Variants in SYN3 observed in about 807,000 individuals in gnomAD.
SYN3 encodes the protein synapsin-3.
Under a neutral mutation model 65.8 loss-of-function variants are expected in SYN3, and 35 were observed. The ratio of observed to expected loss-of-function variants is 0.53; its 90% CI spans 0.41 to 0.70. The LOEUF is 0.70. Among genes scored for constraint, SYN3 ranks in the 30% least tolerant of loss-of-function variants. The probability of loss-of-function intolerance (pLI) is 0.00; values close to 1 mark genes in which losing one functional copy is unlikely to be tolerated. For missense variants in SYN3, 680 were observed against 749.0 expected (o/e 0.91, Z 1.08); for synonymous variants, 270 against 292.9 (o/e 0.92, Z 0.80).
chr22:32,793,166 G>A (rs1040337663), intron 6 of SYN3, among the ~76,000 whole-genome samples: 2 of 152,156 alleles, frequency 1.3e-5, no homozygotes, highest in Non-Finnish European at 2.9e-5. Flanking sequence ...CAAGGTTGAC[G>A]AGTTGCAGAG....
At chr22:32,950,630 T>G (rs241760) in intron 3 of SYN3, among the ~76,000 whole-genome samples, 92,342 of 151,956 alleles carry the variant, frequency 0.61, 28,265 homozygotes, top group East Asian at 0.78. Flanking sequence ...TTGTGAGGCC[T>G]TGTGACTTTT....
At chr22:33,025,628 C>T (rs575810997) in intron 1 of SYN3, among the ~76,000 whole-genome samples, 177 of 91,538 alleles carry the variant, frequency 1.9e-3, no homozygotes, top group African/African-American at 8.4e-3. Flanking sequence ...AGCAACACTC[C>T]GTCTGGAAAA....
chr22:32,990,437 C>G (rs1412370302), intron 2 of SYN3, among the ~76,000 whole-genome samples: 50 of 151,862 alleles, frequency 3.3e-4, no homozygotes, highest in African/African-American at 1.2e-3. Context: ...TCCATCCATC[C>G]ATCCATCCAT....
At chr22:32,829,758 G>T (rs2047520969) in intron 6 of SYN3, among the ~76,000 whole-genome samples, 1 of 152,226 alleles carries the variant, frequency 6.6e-6, no homozygotes, top group Admixed American at 6.5e-5. Context: ...CATCAGTGCT[G>T]GCTTCCCACA....
In SYN3 at chr22:32,508,844, A is replaced by G. The variant is rs1400885885; in HGVS notation, c.*4848T>C. Among the ~76,000 whole-genome samples the G allele has an allele frequency of 6.6e-6, 1 of 152,224 alleles. No individual in the cohort carries two copies. The highest frequency in any genetic ancestry group is 6.5e-5 in the Admixed American group (1 of 15,284). On this transcript the variant is annotated 3_prime_UTR_variant, in exon 14 of 14. Coordinates refer to ENST00000358763, the MANE Select transcript of SYN3 (RefSeq NM_003490.4). The stretch of plus-strand genomic sequence containing the variant: ...TGAGCTTCACTCTCTTGACCCATGC[A>G]CAAGATACCTGCACTAGCTTGCCAG...
chr22:32,799,672 G>C lies in SYN3; in HGVS notation c.711+65243C>G, dbSNP rs889047713. Among the ~76,000 whole-genome samples, 5 of 152,152 alleles carry C rather than the reference G, an allele frequency of 3.3e-5. No individual in the cohort carries two copies. In the East Asian group the frequency reaches 9.7e-4, roughly 29 times the overall value. ...CTGTGGAATAAGTCATGTGGGGCGC[G>C]GGGATAAGCGAATCTCTCAAATTCC... is the stretch of plus-strand genomic sequence containing the variant. On this transcript the variant is annotated intron_variant, in intron 6 of 13. Transcript: ENST00000358763.
At chr22:32,729,177 A>G (rs1411000075) in intron 6 of SYN3, among the ~76,000 whole-genome samples, 1 of 152,238 alleles carries the variant, frequency 6.6e-6, no homozygotes, top group Non-Finnish European at 1.5e-5. Flanking sequence ...TCAGCTATAC[A>G]AGAACAGGGA....
At chr22:32,783,692 C>A (rs1263388155) in intron 6 of SYN3, among the ~76,000 whole-genome samples, 1 of 152,188 alleles carries the variant, frequency 6.6e-6, no homozygotes, top group Non-Finnish European at 1.5e-5. Flanking sequence ...GTTTGAAATT[C>A]ACCAGAACTC....
At chr22:32,859,714 G>A (rs1435014564) in intron 6 of SYN3, 1 of 307,140 alleles carries the variant, frequency 3.3e-6, no homozygotes, top group Non-Finnish European at 6.1e-6. Flanking sequence ...TACTCCATTT[G>A]AGGATTGTAA....
rs566875314 is a variant in SYN3 at position 32,966,307 on chromosome 22, A to G, written c.369+14338T>C. Among the ~76,000 whole-genome samples, 6 of 152,270 alleles carry G rather than the reference A, an allele frequency of 3.9e-5. No individual in the cohort carries two copies. In the South Asian group the frequency reaches 6.2e-4, roughly 16 times the overall value. ...AATCTATGGCAAAATCTAAGAAAGG[A>G]TGTCCCAGGAGGAGAGACGTGCATA... On this transcript the variant is annotated intron_variant, in intron 3 of 13. Transcript: ENST00000358763.
intron 3 of SYN3, among the ~76,000 whole-genome samples, chr22:32,933,958 C>T (rs893311158): frequency 2.2e-4 from 34 of 152,206 alleles, no homozygotes; most frequent in African/African-American, 7.7e-4. Context: ...CCCCAGATAG[C>T]ATTAGAGCAA....
intron 4 of SYN3, among the ~76,000 whole-genome samples, chr22:32,929,985 A>G (rs1419934330): frequency 3.3e-5 from 5 of 152,154 alleles, no homozygotes; most frequent in Non-Finnish European, 7.4e-5. Flanking sequence ...ATTATTTAGT[A>G]TCAGTTTTTA....
chr22:32,747,828 T>C (rs1220452514), intron 6 of SYN3, among the ~76,000 whole-genome samples: 1 of 152,236 alleles, frequency 6.6e-6, no homozygotes, highest in Non-Finnish European at 1.5e-5. Context: ...GAGACTGACC[T>C]GTCCTGGGCC....
intron 1 of SYN3, among the ~76,000 whole-genome samples, chr22:33,008,044 C>T (rs2053242395): frequency 1.3e-5 from 2 of 151,818 alleles, no homozygotes; most frequent in African/African-American, 4.8e-5. Context: ...TCAAGTGATT[C>T]TCCTGTCTCA....
chr22:32,975,761 GA>G (rs911822003), intron 3 of SYN3, among the ~76,000 whole-genome samples: 5 of 152,190 alleles, frequency 3.3e-5, no homozygotes, highest in African/African-American at 1.2e-4. Context: ...TAGTAAGAAG[GA>G]AAACAAAGCC....
At chr22:32,547,880 C>A (rs2058357219) in intron 7 of SYN3, among the ~76,000 whole-genome samples, 1 of 152,150 alleles carries the variant, frequency 6.6e-6, no homozygotes, top group African/African-American at 2.4e-5. Flanking sequence ...TTTAGGAAAC[C>A]TCTAACCTGT....
At chr22:32,633,177 T>C (rs573899022) in intron 6 of SYN3, among the ~76,000 whole-genome samples, 7 of 152,366 alleles carry the variant, frequency 4.6e-5, no homozygotes, top group African/African-American at 1.7e-4. Context: ...ACCAGACTCA[T>C]AGTCATAACT....
At chr22:32,519,857 A>AGAC (rs555864967) in intron 12 of SYN3, among the ~76,000 whole-genome samples, 12 of 152,060 alleles carry the variant, frequency 7.9e-5, no homozygotes, top group Non-Finnish European at 1.5e-4. Flanking sequence ...GCACGTTAGG[A>AGAC]GACTGAAAAC....
chr22:32,868,929 C>T, intron 5 of SYN3, 37 bp downstream of exon 5: 1 of 1,599,492 alleles, frequency 6.3e-7, no homozygotes, highest in South Asian at 1.1e-5. Flanking sequence ...CCCACTGCCT[C>T]CCAGATCCCT....
Sources: allele counts gnomAD v4.1 joint callset (sites outside exome capture counted in the v4.1 genomes callset), GRCh38; gene constraint gnomAD v4.1.1; transcripts MANE v1.5; gene names NCBI Gene and HGNC (gene_info 2026-07-23, HGNC 2026-07-21).